TECPR2: variants seen among roughly 807,000 people sequenced by gnomAD.
The protein encoded by TECPR2 is tectonin beta-propeller repeat-containing protein 2.
A neutral mutation model predicts 138.1 loss-of-function variants in TECPR2; 65 were observed. That is an observed-to-expected ratio of 0.47 (90% CI 0.39 to 0.58). TECPR2 has a LOEUF of 0.58. TECPR2 is among the 20% of genes least tolerant of loss of function. TECPR2 has a pLI of 0.00. For synonymous variants in TECPR2, 746 were observed against 749.8 expected (o/e 0.99, Z 0.08); for missense variants, 1,553 against 1,824.5 (o/e 0.85, Z 2.71).
chr14:102,404,061 CT>C (rs759501601), intron 2 of TECPR2, among the ~76,000 whole-genome samples: 6,058 of 140,514 alleles, frequency 0.043, 114 homozygotes, highest in Middle Eastern at 0.11. Context: ...CTATGCCCGG[CT>C]TTTTTTTTTT....
rs1342549763 is a variant in TECPR2 at position 102,379,936 on chromosome 14, C to G, written c.219+2996C>G. 3.4e-5 allele frequency among the ~76,000 whole-genome samples: 5 copies of G among 147,726 alleles called. 1 individual carries two copies. The highest frequency in any genetic ancestry group is 1.3e-4 in the African/African-American group (5 of 39,570). On this transcript the variant is annotated intron_variant, in intron 2 of 19. Transcript: ENST00000359520. ...CTTAAAATCCATGCACAGAGGCACCCTAGTCACACTGCTGAAGATCACCAT... is the reference window on the plus strand; with the variant it reads ...CTTAAAATCCATGCACAGAGGCACCGTAGTCACACTGCTGAAGATCACCAT...
At chr14:102,445,457 G>T (rs529032472) in intron 12 of TECPR2, among the ~76,000 whole-genome samples, 1 of 150,232 alleles carries the variant, frequency 6.7e-6, no homozygotes, top group East Asian at 2.0e-4. Flanking sequence ...GCACTCAGGG[G>T]CCTTGGATTG....
chr14:102,388,126 A>G (rs992609377), intron 2 of TECPR2, among the ~76,000 whole-genome samples: 2 of 152,112 alleles, frequency 1.3e-5, no homozygotes, highest in Non-Finnish European at 2.9e-5. Flanking sequence ...AGTGCCTTCC[A>G]TTGTCTTTCC....
intron 2 of TECPR2, 52 bp from the exon 3 acceptor site, chr14:102,407,286 A>C: frequency 6.5e-7 from 1 of 1,533,272 alleles, no homozygotes; most frequent in Non-Finnish European, 8.8e-7. Flanking sequence ...CTTGTTTTAC[A>C]TTTTCAAAGC....
chr14:102,395,375 C>T (rs572522451), intron 2 of TECPR2, among the ~76,000 whole-genome samples: 9 of 152,246 alleles, frequency 5.9e-5, no homozygotes, highest in Non-Finnish European at 1.0e-4. Context: ...CTGAAGATGT[C>T]GCCATATATC....
At chr14:102,377,031 G>C in intron 2 of TECPR2, 91 bp downstream of exon 2, 1 of 1,374,420 alleles carries the variant, frequency 7.3e-7, no homozygotes, top group Non-Finnish European at 1.0e-6. Flanking sequence ...ATTTACTTCT[G>C]ATTTGCCAGA....
intron 17 of TECPR2, among the ~76,000 whole-genome samples, chr14:102,469,051 C>T (rs1890609554): frequency 6.6e-6 from 1 of 152,070 alleles, no homozygotes; most frequent in Non-Finnish European, 1.5e-5. Context: ...CTAACTTTTT[C>T]TTTTTCAAGA....
In TECPR2 at chr14:102,388,575, AC is replaced by A. The variant is rs543189488; in HGVS notation, c.219+11638del. On this transcript the variant is annotated intron_variant, in intron 2 of 19. Transcript: ENST00000359520. The stretch of plus-strand genomic sequence containing the variant: ...TGGGCGCAGTGGCTCACGCCTGTTA[AC>A]CCAACACTTTGGGAGGCCGAGGCAG... 2.2e-4 allele frequency among the ~76,000 whole-genome samples: 33 copies of A among 152,006 alleles called. No homozygotes were observed. The East Asian group carries it at 6.2e-3, about 29-fold the overall frequency.
At chr14:102,389,840 T>C (rs1447241514) in intron 2 of TECPR2, among the ~76,000 whole-genome samples, 1 of 152,218 alleles carries the variant, frequency 6.6e-6, no homozygotes, top group Non-Finnish European at 1.5e-5. Context: ...CCAGTGGATA[T>C]TCCCTACTTT....
intron 17 of TECPR2, among the ~76,000 whole-genome samples, chr14:102,476,321 C>T (rs866473690): frequency 1.4e-5 from 2 of 146,466 alleles, no homozygotes; most frequent in African/African-American, 2.5e-5. Context: ...TGCTTAAGCT[C>T]GGGAGTTCAA....
Position 102,497,215 on chromosome 14 carries a change from G to A in TECPR2, c.3931+95G>A, listed in dbSNP as rs564470235. ...CTCCCTCCAGGCCGCTGTCTGTGAG[G>A]CAGCCTTTGTGCTGGGGCTGTGCTG... On this transcript the variant is annotated intron_variant, in intron 18 of 19. Transcript: ENST00000359520. 5 of 1,496,978 alleles carry A rather than the reference G, an allele frequency of 3.3e-6. No individual in the cohort carries two copies. The African/African-American group carries it at 4.2e-5, about 12-fold the overall frequency. The allele number at this position is 1,496,978 out of a possible 1,614,324, so 92.7% of individuals were successfully genotyped here. A position where few individuals can be genotyped will look rare whatever the true frequency, so the allele number is the denominator to read the frequency against.
intron 16 of TECPR2, among the ~76,000 whole-genome samples, chr14:102,459,631 A>G (rs1890357242): frequency 6.6e-6 from 1 of 152,140 alleles, no homozygotes; most frequent in Non-Finnish European, 1.5e-5. Context: ...TTAGCTGGGC[A>G]TGGTGGCTTG....
chr14:102,395,431 T>C (rs1462745021), intron 2 of TECPR2, among the ~76,000 whole-genome samples: 1 of 152,184 alleles, frequency 6.6e-6, no homozygotes, highest in Non-Finnish European at 1.5e-5. Flanking sequence ...ATGAATACTT[T>C]CAAAATAAAA....
intron 17 of TECPR2, among the ~76,000 whole-genome samples, chr14:102,494,892 C>T (rs1250016164): frequency 6.6e-6 from 1 of 151,692 alleles, no homozygotes; most frequent in East Asian, 1.9e-4. Flanking sequence ...GCAGTCACTC[C>T]AGCGGCACCC....
intron 3 of TECPR2, among the ~76,000 whole-genome samples, chr14:102,408,030 G>C (rs1024284921): frequency 6.6e-6 from 1 of 151,914 alleles, no homozygotes; most frequent in Non-Finnish European, 1.5e-5. Flanking sequence ...TTAGCTGGGC[G>C]TGGTGGTGCG....
intron 5 of TECPR2, among the ~76,000 whole-genome samples, chr14:102,424,465 G>T (rs184156881): frequency 2.4e-4 from 37 of 152,314 alleles, no homozygotes; most frequent in Admixed American, 2.3e-3. Flanking sequence ...CTCCCGAGTA[G>T]CTGGGACTAC....
At chr14:102,483,946 G>T (rs71213564) in intron 17 of TECPR2, among the ~76,000 whole-genome samples, 1 of 96,690 alleles carries the variant, frequency 1.0e-5, no homozygotes, top group African/African-American at 4.2e-5. Context: ...ATAGGCACCT[G>T]CCACCATGCC....
intron 16 of TECPR2, among the ~76,000 whole-genome samples, chr14:102,463,580 G>C (rs891396570): frequency 2.0e-5 from 3 of 151,942 alleles, no homozygotes; most frequent in Non-Finnish European, 4.4e-5. Flanking sequence ...AGGGTAGAGG[G>C]CATTGGCCAG....
chr14:102,482,883 G>A (rs1293951191), intron 17 of TECPR2, among the ~76,000 whole-genome samples: 8 of 127,648 alleles, frequency 6.3e-5, no homozygotes, highest in East Asian at 2.4e-4. Flanking sequence ...TCGCTCTGTC[G>A]CCCAGGCTGG....
Sources: gnomAD v4.1 joint callset for allele counts (sites outside exome capture counted in the v4.1 genomes callset) on GRCh38, gnomAD v4.1.1 for gene constraint, MANE v1.5 for transcripts, NCBI Gene and HGNC (gene_info 2026-07-23, HGNC 2026-07-21) for gene names.